Variants in AMOTL1 observed in about 807,000 individuals in gnomAD.
AMOTL1 encodes the protein angiomotin-like protein 1.
AMOTL1 carries 45 observed loss-of-function variants against 102.9 expected under a neutral mutation model. That is an observed-to-expected ratio of 0.44 (90% CI 0.34 to 0.56). The LOEUF is 0.56. Ranked by LOEUF, AMOTL1 falls within the 20% of genes least tolerant of loss-of-function variation. The pLI is 0.01. For synonymous variants in AMOTL1, 481 were observed against 484.7 expected, an observed-to-expected ratio of 0.99 and a Z score of 0.10; for missense variants, 1,114 against 1,225.6, an observed-to-expected ratio of 0.91 and a Z score of 1.36.
chr11:94,730,859 C>A (rs1263234649), intron 2 of AMOTL1, among the ~76,000 whole-genome samples: 1 of 152,186 alleles, frequency 6.6e-6, no homozygotes, highest in African/African-American at 2.4e-5. Flanking sequence ...GGCTTGTTAC[C>A]AAAGCCTAAA....
chr11:94,714,408 A>C (rs1441485811), intron 1 of AMOTL1, among the ~76,000 whole-genome samples: 2 of 152,100 alleles, frequency 1.3e-5, no homozygotes, highest in Non-Finnish European at 2.9e-5. Flanking sequence ...AATGAGTTAG[A>C]AAGTGATTGC....
chr11:94,794,607 C>A (rs181844780), intron 1 of AMOTL1, among the ~76,000 whole-genome samples: 1 of 152,342 alleles, frequency 6.6e-6, no homozygotes, highest in East Asian at 1.9e-4. Context: ...GACAGCTGCT[C>A]TTCCTGTTTT....
At chr11:94,811,811 A>G (rs1951688585) in intron 3 of AMOTL1, among the ~76,000 whole-genome samples, 1 of 152,234 alleles carries the variant, frequency 6.6e-6, no homozygotes, top group South Asian at 2.1e-4. Flanking sequence ...AGTTTAGCCA[A>G]GACAAAACCC....
intron 2 of AMOTL1, among the ~76,000 whole-genome samples, chr11:94,733,587 GA>G (rs1950389425): frequency 6.6e-6 from 1 of 152,218 alleles, no homozygotes; most frequent in African/African-American, 2.4e-5. Context: ...TTGCAGCTCT[GA>G]AAGAAGCAAT....
At chr11:94,748,925 C>T (rs1364799923) in intron 3 of AMOTL1, among the ~76,000 whole-genome samples, 3 of 152,174 alleles carry the variant, frequency 2.0e-5, no homozygotes, top group Admixed American at 1.3e-4. Flanking sequence ...ATAGAATGGC[C>T]TTCTCTTATA....
At chr11:94,725,400 A>T (rs1247970473) in intron 1 of AMOTL1, among the ~76,000 whole-genome samples, 1 of 152,144 alleles carries the variant, frequency 6.6e-6, no homozygotes, top group Non-Finnish European at 1.5e-5. Flanking sequence ...AAGACATGTT[A>T]AGCTGAAATA....
At chr11:94,793,515 T>C (rs1951319280) in intron 1 of AMOTL1, among the ~76,000 whole-genome samples, 1 of 152,234 alleles carries the variant, frequency 6.6e-6, no homozygotes, top group African/African-American at 2.4e-5. Flanking sequence ...GTGATTTTAA[T>C]GTGCAGCCAG....
chr11:94,763,445 A>G (rs1280223653), upstream of AMOTL1, among the ~76,000 whole-genome samples: 1 of 152,180 alleles, frequency 6.6e-6, no homozygotes, highest in Non-Finnish European at 1.5e-5. Flanking sequence ...TATATTTAGA[A>G]AAAGGCAGGA....
chr11:94,741,526 G>A (rs1422723143), intron 3 of AMOTL1, among the ~76,000 whole-genome samples: 1 of 152,136 alleles, frequency 6.6e-6, no homozygotes, highest in Non-Finnish European at 1.5e-5. Flanking sequence ...TCCTCAGTTA[G>A]CCTGTAGGTG....
intron 3 of AMOTL1, among the ~76,000 whole-genome samples, chr11:94,759,541 C>T (rs967969431): frequency 2.8e-5 from 4 of 143,006 alleles, no homozygotes; most frequent in Non-Finnish European, 4.5e-5. Flanking sequence ...GATACCTTGA[C>T]GCAGAGTGAA....
At chr11:94,839,712 T>C (rs1370213228) in intron 6 of AMOTL1, among the ~76,000 whole-genome samples, 1 of 152,218 alleles carries the variant, frequency 6.6e-6, no homozygotes, top group Non-Finnish European at 1.5e-5. Context: ...GGACCTCCTT[T>C]TTCTTATTTT....
chr11:94,823,641 G>T (rs1405261544), intron 4 of AMOTL1, among the ~76,000 whole-genome samples: 2 of 152,056 alleles, frequency 1.3e-5, no homozygotes, highest in African/African-American at 4.8e-5. Context: ...TTTTCCCATG[G>T]CTGTTTCTGA....
chr11:94,865,429 T>C (rs1043060356), intron 10 of AMOTL1, among the ~76,000 whole-genome samples: 4 of 152,208 alleles, frequency 2.6e-5, no homozygotes, highest in Admixed American at 6.5e-5. Flanking sequence ...AGTTGAGCCA[T>C]TGATAGATAG....
chr11:94,836,377 G>A (rs1188770280), intron 6 of AMOTL1, among the ~76,000 whole-genome samples: 1 of 152,168 alleles, frequency 6.6e-6, no homozygotes, highest in African/African-American at 2.4e-5. Context: ...TGAAGCTCCT[G>A]TTACAGCATT....
intron 3 of AMOTL1, among the ~76,000 whole-genome samples, chr11:94,747,354 A>T (rs946809763): frequency 6.6e-6 from 1 of 152,068 alleles, no homozygotes; most frequent in Non-Finnish European, 1.5e-5. Flanking sequence ...CTGGCCTATG[A>T]GTGCCAGGAG....
At chr11:94,741,050 TGGGGGGCGTCCATA>T (rs1950517418) in intron 3 of AMOTL1, 2 of 1,248,952 alleles carry the variant, frequency 1.6e-6, no homozygotes, top group South Asian at 2.5e-5. Context: ...ACTGCGAGTT[TGGGGGGCGTCCATA>T]GGAACTCAGC....
At chr11:94,734,747 T>C (rs1054269942) in intron 2 of AMOTL1, among the ~76,000 whole-genome samples, 1 of 152,138 alleles carries the variant, frequency 6.6e-6, no homozygotes, top group Admixed American at 6.5e-5. Flanking sequence ...GAAGGCTACC[T>C]GCAGAGAAGA....
chr11:94,808,898 C>A (rs560828443), intron 3 of AMOTL1, among the ~76,000 whole-genome samples: 2 of 150,668 alleles, frequency 1.3e-5, no homozygotes, highest in South Asian at 4.2e-4. Flanking sequence ...AACAGGTAAT[C>A]AATATTAAAA....
intron 2 of AMOTL1, among the ~76,000 whole-genome samples, chr11:94,732,177 G>A (rs1950365005): frequency 6.6e-6 from 1 of 152,194 alleles, no homozygotes; most frequent in African/African-American, 2.4e-5. Context: ...GAGTACCAGA[G>A]AAAGCCCTGG....
Sources: gnomAD v4.1 joint callset for allele counts (sites outside exome capture counted in the v4.1 genomes callset) on GRCh38, gnomAD v4.1.1 for gene constraint, MANE v1.5 for transcripts, NCBI Gene and HGNC (gene_info 2026-07-23, HGNC 2026-07-21) for gene names.